NAV3: variants seen among roughly 807,000 people sequenced by gnomAD.
The protein encoded by NAV3 is pore membrane and/or filament interacting like protein 1.
A neutral mutation model predicts 244.7 loss-of-function variants in NAV3; 87 were observed. That is an observed-to-expected ratio of 0.36 (90% CI 0.30 to 0.42). The LOEUF is 0.42. Ranked by LOEUF, NAV3 falls within the 20% of genes least tolerant of loss-of-function variation. NAV3 has a pLI of 1.00. For synonymous variants in NAV3, 1,126 were observed against 1,042.2 expected, an observed-to-expected ratio of 1.08 and a Z score of -1.55; for missense variants, 2,663 against 2,893.3, an observed-to-expected ratio of 0.92 and a Z score of 1.83.
intron 2 of NAV3, among the ~76,000 whole-genome samples, chr12:77,757,623 A>G (rs1053182046): frequency 6.6e-6 from 1 of 152,176 alleles, no homozygotes; most frequent in Non-Finnish European, 1.5e-5. Flanking sequence ...GTTTTCCCTG[A>G]AAGTTTCACC....
chr12:77,695,931 C>A (rs1423629953), intron 2 of NAV3, among the ~76,000 whole-genome samples: 1 of 152,140 alleles, frequency 6.6e-6, no homozygotes, highest in African/African-American at 2.4e-5. Context: ...GTTCTTTCTC[C>A]TTATTTTGAA....
At chr12:78,085,825 G>C (rs559393972) in intron 12 of NAV3, among the ~76,000 whole-genome samples, 1 of 152,166 alleles carries the variant, frequency 6.6e-6, no homozygotes, top group African/African-American at 2.4e-5. Context: ...ACAAGACAGA[G>C]AGTAGCTGGT....
intron 1 of NAV3, among the ~76,000 whole-genome samples, chr12:77,865,724 TTC>T (rs1009747164): frequency 8.0e-5 from 12 of 150,846 alleles, no homozygotes; most frequent in East Asian, 3.9e-4. Flanking sequence ...AATTCGTTGC[TTC>T]TCTCTCTCTC....
intron 2 of NAV3, among the ~76,000 whole-genome samples, chr12:77,614,995 G>A (rs1002875463): frequency 6.6e-6 from 1 of 152,168 alleles, no homozygotes; most frequent in Non-Finnish European, 1.5e-5. Flanking sequence ...GGATGAGAAG[G>A]TCAGCCAAAA....
rs989373030 is a variant in NAV3, at chr12:78,116,880, C to T, written c.2745C>T (p.Thr915=). 6.8e-6 allele frequency: 11 copies of T among 1,612,798 alleles called. No individual in the cohort carries two copies. Among genetic ancestry groups the T allele is most frequent in the Non-Finnish European group, 8.5e-6 (10 of 1,179,302 alleles). ...TSSVSSYSNI[T]VPSRKNTQLR... is the part of the protein sequence containing the mutation. ...CTGTCAGCTCTTACTCCAACATCAC[C>T]GTCCCCTCTAGGAAGAATACTCAGG... Residue 915 remains threonine (T), a synonymous_variant, in exon 13 of 40, where the codon ACC becomes ACT. Transcript: ENST00000397909.
chr12:77,820,112 A>G (rs1013438048), intron 2 of NAV3, among the ~76,000 whole-genome samples: 16 of 145,394 alleles, frequency 1.1e-4, no homozygotes, highest in African/African-American at 2.5e-4. Flanking sequence ...GTGTGTGTGC[A>G]CACGCACTAT....
In NAV3 at chr12:78,137,289, T is replaced by C. The variant is rs1386085696; in HGVS notation, c.4554T>C (p.Cys1518=). 1 of 1,613,634 alleles carries C rather than the reference T, an allele frequency of 6.2e-7. No individual in the cohort carries two copies. Among genetic ancestry groups the C allele is most frequent in the African/African-American group, 1.3e-5 (1 of 74,876 alleles). Residue 1518 remains cysteine, a synonymous_variant, in exon 19 of 40, where the codon TGT becomes TGC. Transcript: ENST00000397909. The stretch of plus-strand genomic sequence containing the variant: ...ATCTCTATGATGACTCCCAGCTTTG[T>C]GGGAGTGCCACTTCTCTGGAGGAAA... The part of the protein sequence containing the change: ...SFDLYDDSQL[C]GSATSLEERP...
At chr12:77,930,109 G>C (rs1888638231) in intron 1 of NAV3, among the ~76,000 whole-genome samples, 2 of 152,068 alleles carry the variant, frequency 1.3e-5, no homozygotes, top group Non-Finnish European at 2.9e-5. Context: ...TTCTTATGGT[G>C]ATTATTTTTG....
intron 16 of NAV3, among the ~76,000 whole-genome samples, chr12:78,124,997 A>G (rs1955843383): frequency 6.6e-6 from 1 of 152,186 alleles, no homozygotes; most frequent in Admixed American, 6.5e-5. Context: ...TTAATATAAG[A>G]CACTGAGCTT....
intron 2 of NAV3, among the ~76,000 whole-genome samples, chr12:77,658,307 A>T (rs1422552742): frequency 4.6e-5 from 7 of 151,544 alleles, no homozygotes; most frequent in African/African-American, 1.7e-4. Context: ...ATTCTTATAC[A>T]CCAATAACAG....
chr12:78,137,547 G>C (rs1416090084), intron 19 of NAV3, among the ~76,000 whole-genome samples, 182 bp downstream of exon 19: 1 of 151,820 alleles, frequency 6.6e-6, no homozygotes, highest in East Asian at 1.9e-4. Context: ...TTATGTATTT[G>C]GAAATATGCC....
At chr12:77,649,844 C>T (rs967137789) in intron 2 of NAV3, among the ~76,000 whole-genome samples, 1 of 152,000 alleles carries the variant, frequency 6.6e-6, no homozygotes, top group Non-Finnish European at 1.5e-5. Flanking sequence ...TTTGTTTATA[C>T]TTTGCAATAG....
At chr12:78,037,743 A>G (rs1464460234) in intron 9 of NAV3, among the ~76,000 whole-genome samples, 1 of 152,152 alleles carries the variant, frequency 6.6e-6, no homozygotes. Flanking sequence ...CTATTTGTTC[A>G]ACTTCCCTCA....
intron 2 of NAV3, among the ~76,000 whole-genome samples, chr12:77,594,338 GC>G (rs1870069367): frequency 6.6e-6 from 1 of 151,860 alleles, no homozygotes; most frequent in African/African-American, 2.4e-5. Flanking sequence ...GATCAGTTTA[GC>G]CCTCCTTCCA....
chr12:78,117,926 C>T (rs1410854254), intron 13 of NAV3, 101 bp from the exon 14 acceptor site: 8 of 1,129,012 alleles, frequency 7.1e-6, no homozygotes, highest in African/African-American at 4.8e-5. Flanking sequence ...AAAATAGAAT[C>T]TTTGGATTTA....
At position 78,051,063 on chromosome 12, in the gene NAV3, T is replaced by A. The variant is rs1428394044; in HGVS notation, c.2432T>A (p.Met811Lys). 16 of 1,614,148 alleles carry A rather than the reference T, an allele frequency of 9.9e-6. No homozygotes were observed. The highest frequency in any genetic ancestry group is 1.3e-5 in the Non-Finnish European group (15 of 1,180,022). Residue 811 changes from methionine (M) to lysine (K), a missense_variant, in exon 11 of 40, where the codon ATG becomes AAG. This residue lies in a region of NAV3 where 1,521 missense variants were observed against 1,497.0 expected (regional missense o/e 1.02). Coordinates refer to ENST00000397909, the MANE Select transcript of NAV3 (RefSeq NM_001024383.2). ...MSEKASSDLD[M>K]SSEVDVGGYM... ...GAGAAAGCAAGCAGTGACCTGGACA[T>A]GTCTTCTGAGGTCGATGTGGGTGGA...
intron 1 of NAV3, among the ~76,000 whole-genome samples, chr12:77,907,433 T>G (rs1238189936): frequency 6.6e-6 from 1 of 152,120 alleles, no homozygotes; most frequent in Non-Finnish European, 1.5e-5. Flanking sequence ...AAGATCGAGC[T>G]CAATTTCATC....
intron 2 of NAV3, among the ~76,000 whole-genome samples, chr12:77,737,775 T>C (rs985356324): frequency 7.9e-5 from 12 of 152,228 alleles, no homozygotes; most frequent in African/African-American, 2.4e-4. Context: ...CCTTCCACCA[T>C]GTAAGAATTC....
chr12:78,097,927 G>A (rs777624346), intron 12 of NAV3, among the ~76,000 whole-genome samples: 32 of 152,222 alleles, frequency 2.1e-4, no homozygotes, highest in Admixed American at 5.2e-4. Context: ...TTTCAAGGGA[G>A]AAAGAAGGTT....
Sources: allele counts gnomAD v4.1 joint callset (sites outside exome capture counted in the v4.1 genomes callset), GRCh38; gene constraint gnomAD v4.1.1; regional missense constraint gnomAD v4.1.1; transcripts MANE v1.5; gene names NCBI Gene and HGNC (gene_info 2026-07-23, HGNC 2026-07-21).